NELL1: variants seen among roughly 807,000 people sequenced by gnomAD.
NELL1 encodes the protein protein kinase C-binding protein NELL1.
A neutral mutation model predicts 107.4 loss-of-function variants in NELL1; 76 were observed. The observed-to-expected ratio is 0.71, with a 90% confidence interval of 0.59 to 0.86. The LOEUF (loss-of-function observed/expected upper bound fraction) is 0.86. Among genes scored for constraint, NELL1 ranks in the 40% least tolerant of loss-of-function variants. NELL1 has a pLI of 0.00. For synonymous variants in NELL1, 353 were observed against 341.2 expected (o/e 1.03, Z -0.38); for missense variants, 1,024 against 1,005.5 (o/e 1.02, Z -0.25).
At chr11:20,817,389 T>G (rs904478343) in intron 3 of NELL1, among the ~76,000 whole-genome samples, 3 of 152,330 alleles carry the variant, frequency 2.0e-5, no homozygotes, top group Non-Finnish European at 4.4e-5. Context: ...TCCAGGAATT[T>G]ATCCATTTCC....
intron 2 of NELL1, among the ~76,000 whole-genome samples, chr11:20,691,056 G>C (rs1278659381): frequency 6.6e-6 from 1 of 151,930 alleles, no homozygotes; most frequent in Non-Finnish European, 1.5e-5. Context: ...TTGTGAATGG[G>C]AGTTCACTCA....
chr11:21,209,188 A>G (rs1857448345), intron 13 of NELL1, among the ~76,000 whole-genome samples: 2 of 152,152 alleles, frequency 1.3e-5, no homozygotes, highest in East Asian at 1.9e-4. Flanking sequence ...ACTGTGTTGT[A>G]TTATAAATAA....
chr11:21,100,109 C>T (rs994740252), intron 12 of NELL1, among the ~76,000 whole-genome samples: 8 of 151,976 alleles, frequency 5.3e-5, no homozygotes, highest in African/African-American at 1.4e-4. Flanking sequence ...CTCCACTTCC[C>T]GGGTTCAACT....
At chr11:21,350,678 T>C (rs952564047) in intron 14 of NELL1, among the ~76,000 whole-genome samples, 12 of 152,292 alleles carry the variant, frequency 7.9e-5, no homozygotes, top group Middle Eastern at 3.4e-3. Context: ...TTATGTATTA[T>C]GTGCAGGAAT....
intron 2 of NELL1, among the ~76,000 whole-genome samples, chr11:20,724,787 A>G (rs1047912129): frequency 3.3e-5 from 5 of 152,140 alleles, no homozygotes; most frequent in African/African-American, 1.2e-4. Flanking sequence ...TTATCTTTAT[A>G]GCAGTACCCC....
intron 14 of NELL1, among the ~76,000 whole-genome samples, chr11:21,244,281 A>G (rs1292800129): frequency 6.6e-6 from 1 of 152,164 alleles, no homozygotes; most frequent in African/African-American, 2.4e-5. Flanking sequence ...AATGATTTTC[A>G]TAATGATCTG....
rs182001222 is a variant in NELL1 at position 21,456,725 on chromosome 11, C to T, written c.1646-77649C>T. On this transcript the variant is annotated intron_variant, in intron 15 of 19. Coordinates refer to ENST00000357134, the MANE Select transcript of NELL1 (RefSeq NM_006157.5). ...CTACTATACAGATTAAAAAATACTA[C>T]GAAATAAGGCAGGGCTTGTAGCAGA... is the stretch of plus-strand genomic sequence containing the variant. Among the ~76,000 whole-genome samples, 149 of 151,998 alleles carry T rather than the reference C, an allele frequency of 9.8e-4. 2 individuals are homozygous for T. The highest frequency in any genetic ancestry group is 3.5e-3 in the African/African-American group (144 of 41,444).
intron 12 of NELL1, among the ~76,000 whole-genome samples, chr11:21,052,059 C>CA (rs1853506242): frequency 6.6e-6 from 1 of 151,766 alleles, no homozygotes; most frequent in Non-Finnish European, 1.5e-5. Flanking sequence ...AGAAGGTAGC[C>CA]AAAAACAGAC....
chr11:20,761,215 A>G (rs143971295), intron 2 of NELL1, among the ~76,000 whole-genome samples: 158 of 152,302 alleles, frequency 1.0e-3, no homozygotes, highest in Non-Finnish European at 2.1e-3. Context: ...TTAACATAAC[A>G]TGACATTAGG....
In NELL1 at chr11:20,678,039, A is replaced by C; in HGVS notation, c.163A>C (p.Ser55Arg). The C allele has an allele frequency of 4.3e-6, 7 of 1,614,144 alleles. No individual in the cohort carries two copies. Among genetic ancestry groups the C allele is most frequent in the Non-Finnish European group, 5.9e-6 (7 of 1,179,996 alleles). Reference protein sequence around the residue: ...VAQVSGMHNASKAFLFQDIER... With the variant: ...VAQVSGMHNARKAFLFQDIER... ...TCAGGTGTCTGGAATGCACAATGCC[A>C]GCAAAGCATTTTTATTTCAAGGTAA... Residue 55 changes from serine to arginine, a missense_variant, in exon 2 of 20, where the codon AGC (serine) becomes CGC (arginine). Physicochemically the swap from Ser to Arg is moderately radical, Grantham distance 110 (BLOSUM62 -1). Coordinates refer to ENST00000357134, the MANE Select transcript of NELL1 (RefSeq NM_006157.5).
chr11:21,392,492 G>A (rs1851900901), intron 15 of NELL1, among the ~76,000 whole-genome samples: 1 of 151,844 alleles, frequency 6.6e-6, no homozygotes, highest in South Asian at 2.1e-4. Context: ...CTTTACCCAA[G>A]AGGGTTTATA....
chr11:21,336,775 G>C (rs1233057657), intron 14 of NELL1, among the ~76,000 whole-genome samples: 1 of 151,258 alleles, frequency 6.6e-6, no homozygotes, highest in Non-Finnish European at 1.5e-5. Context: ...GCTGTACTCA[G>C]TTGGCCCTTT....
intron 17 of NELL1, among the ~76,000 whole-genome samples, chr11:21,561,397 C>T (rs1856846899): frequency 6.6e-6 from 1 of 152,060 alleles, no homozygotes; most frequent in Non-Finnish European, 1.5e-5. Flanking sequence ...TTCACATAAA[C>T]CTAGTTTCCC....
intron 14 of NELL1, among the ~76,000 whole-genome samples, chr11:21,297,672 A>G (rs1849402257): frequency 6.6e-6 from 1 of 152,046 alleles, no homozygotes; most frequent in African/African-American, 2.4e-5. Context: ...GCAAGCACTG[A>G]GACTGCAGCT....
At chr11:21,272,914 A>T (rs887031338) in intron 14 of NELL1, among the ~76,000 whole-genome samples, 1 of 152,244 alleles carries the variant, frequency 6.6e-6, no homozygotes, top group African/African-American at 2.4e-5. Flanking sequence ...CGTCACCATC[A>T]TCAAAGACCA....
At chr11:20,838,409 G>C (rs1848569304) in intron 3 of NELL1, among the ~76,000 whole-genome samples, 3 of 150,950 alleles carry the variant, frequency 2.0e-5, no homozygotes, top group Admixed American at 6.6e-5. Context: ...ATAAAATATA[G>C]ACTTGGTTAA....
chr11:20,928,325 G>A lies in NELL1; in HGVS notation c.895-52G>A, dbSNP rs561002355. 2.5e-5 allele frequency: 36 copies of A among 1,467,532 alleles called. No homozygotes were observed. The African/African-American group carries it at 3.9e-4, about 16-fold the overall frequency. The allele number at this position is 1,467,532 out of a possible 1,614,324, so 90.9% of individuals were successfully genotyped here. On this transcript the variant is annotated intron_variant, in intron 8 of 19. Transcript: ENST00000357134. ...GAGATTTCAATGATCTCCACAACAG[G>A]AGCTATCAAAGGATACTTCTGAGAT... is the stretch of plus-strand genomic sequence containing the variant.
chr11:20,761,705 C>G (rs1856424925), intron 2 of NELL1, among the ~76,000 whole-genome samples: 2 of 152,152 alleles, frequency 1.3e-5, no homozygotes, highest in Admixed American at 6.5e-5. Flanking sequence ...TTGAAACAAA[C>G]TCTGGGAGAA....
At position 20,730,649 on chromosome 11, in the gene NELL1, C is replaced by T. The variant is rs1423495531; in HGVS notation, c.184+52589C>T. Among the ~76,000 whole-genome samples the T allele has an allele frequency of 5.3e-5, 8 of 152,128 alleles. No homozygotes were observed. In the East Asian group the frequency reaches 5.8e-4, roughly 11 times the overall value. ...TTCCCCCAGCTTTGATTTGTACCCACGAATGGTGTGTGACTGTGACCGCTG... is the reference window on the plus strand; with the variant it reads ...TTCCCCCAGCTTTGATTTGTACCCATGAATGGTGTGTGACTGTGACCGCTG... On this transcript the variant is annotated intron_variant, in intron 2 of 19. Coordinates refer to ENST00000357134, the MANE Select transcript of NELL1 (RefSeq NM_006157.5).
Sources: gnomAD v4.1 joint callset for allele counts (sites outside exome capture counted in the v4.1 genomes callset) on GRCh38, gnomAD v4.1.1 for gene constraint, MANE v1.5 for transcripts, NCBI Gene and HGNC (gene_info 2026-07-23, HGNC 2026-07-21) for gene names.